The following TAF4 variants were observed in gnomAD, a reference collection of about 807,000 sequenced individuals.
TAF4 encodes TATA-box binding protein associated factor 4.
TAF4 carries 9 observed loss-of-function variants against 90.3 expected under a neutral mutation model. The ratio of observed to expected loss-of-function variants is 0.10; its 90% confidence interval spans 0.06 to 0.17. The LOEUF is 0.17. TAF4 is among the 10% of genes least tolerant of loss of function. TAF4 has a pLI of 1.00. For missense variants in TAF4, 1,351 were observed against 1,370.7 expected, an observed-to-expected ratio of 0.99 and a Z score of 0.23; for synonymous variants, 818 against 638.9, an observed-to-expected ratio of 1.28 and a Z score of -4.23.
At chr20:62,022,481 A>G (rs989452264) in intron 1 of TAF4, among the ~76,000 whole-genome samples, 2 of 152,200 alleles carry the variant, frequency 1.3e-5, no homozygotes, top group Non-Finnish European at 2.9e-5. Context: ...GAGGGTTTGC[A>G]GGCCCACTTC....
intron 1 of TAF4, among the ~76,000 whole-genome samples, chr20:62,039,898 G>C (rs565065807): frequency 5.9e-5 from 9 of 152,330 alleles, no homozygotes; most frequent in African/African-American, 2.2e-4. Flanking sequence ...CTGGTGGAAA[G>C]ACGCTCAGCA....
At chr20:62,049,939 G>A (rs1442644928) in intron 1 of TAF4, among the ~76,000 whole-genome samples, 2 of 152,238 alleles carry the variant, frequency 1.3e-5, no homozygotes, top group East Asian at 3.9e-4. Context: ...CAGACCTGCT[G>A]CAGAAACCCA....
chr20:62,052,207 T>C (rs1375225022), intron 1 of TAF4, among the ~76,000 whole-genome samples: 2 of 152,000 alleles, frequency 1.3e-5, no homozygotes, highest in Non-Finnish European at 2.9e-5. Flanking sequence ...ACATGAAGCA[T>C]GTCAAAGGCT....
intron 1 of TAF4, among the ~76,000 whole-genome samples, chr20:62,020,182 C>T (rs976319639): frequency 3.3e-5 from 5 of 152,250 alleles, no homozygotes; most frequent in Non-Finnish European, 7.3e-5. Flanking sequence ...GCCCCAGCCC[C>T]AGCCCAGGAC....
intron 1 of TAF4, among the ~76,000 whole-genome samples, chr20:62,063,592 C>T (rs1385934504): frequency 1.3e-5 from 2 of 152,152 alleles, no homozygotes; most frequent in East Asian, 3.9e-4. Flanking sequence ...CGTCGGAGCC[C>T]CAGGCATCCG....
At chr20:62,043,353 A>C (rs1354026308) in intron 1 of TAF4, among the ~76,000 whole-genome samples, 1 of 152,208 alleles carries the variant, frequency 6.6e-6, no homozygotes, top group Non-Finnish European at 1.5e-5. Context: ...CAGCTGTATA[A>C]TGTGTTTGTG....
intron 1 of TAF4, among the ~76,000 whole-genome samples, chr20:62,041,628 CA>C (rs1367745991): frequency 2.8e-5 from 4 of 144,528 alleles, no homozygotes; most frequent in Non-Finnish European, 1.5e-5. Flanking sequence ...GAATCCATCT[CA>C]AAAAAAAAAG....
At chr20:62,050,042 C>G (rs1001637304) in intron 1 of TAF4, among the ~76,000 whole-genome samples, 3 of 152,198 alleles carry the variant, frequency 2.0e-5, no homozygotes, top group Non-Finnish European at 4.4e-5. Flanking sequence ...CACCCAACGC[C>G]TACTGTCACA....
Position 62,006,907 on chromosome 20 carries a change from AG to A in TAF4, c.1975-150del. The A allele has an allele frequency of 1.7e-6, 2 of 1,144,480 alleles. No homozygotes were observed. The highest frequency in any genetic ancestry group is 6.2e-5 in the South Asian group (2 of 32,076). 70.9% of individuals were successfully genotyped at this position (1,144,480 alleles called of 1,614,324 possible). On this transcript the variant is annotated intron_variant, in intron 6 of 14. Transcript: ENST00000252996. This position sits in a 1 kb window ranked among gnomAD's most constrained non-coding sequence, Gnocchi z 7.0. ...CTCACGGCAGCATGTCTGGATGTCA[AG>A]GGCCAGGACCCCATCCTGCCCTCCC...
intron 1 of TAF4, among the ~76,000 whole-genome samples, chr20:62,029,908 A>C (rs2055895287): frequency 3.3e-5 from 5 of 152,174 alleles, no homozygotes; most frequent in Admixed American, 3.3e-4. Flanking sequence ...CCGTCTCAAA[A>C]AAAACAAAAA....
intron 8 of TAF4, 95 bp downstream of exon 8, chr20:62,003,636 A>T: frequency 7.1e-7 from 1 of 1,400,954 alleles, no homozygotes; most frequent in Non-Finnish European, 9.4e-7. Flanking sequence ...TTTTATGTAA[A>T]TGTACATTTT....
intron 1 of TAF4, among the ~76,000 whole-genome samples, chr20:62,030,376 C>A (rs762986130): frequency 6.6e-6 from 1 of 152,226 alleles, no homozygotes; most frequent in Non-Finnish European, 1.5e-5. Context: ...AAGCCCAATA[C>A]TAATTTAGAT....
intron 14 of TAF4, among the ~76,000 whole-genome samples, chr20:61,987,739 A>C (rs1262791319): frequency 6.6e-6 from 1 of 152,268 alleles, no homozygotes; most frequent in African/African-American, 2.4e-5. Context: ...AAAGGGGCTG[A>C]AAATTTATGT....
At chr20:62,063,949 G>A (rs1028715779) in intron 1 of TAF4, among the ~76,000 whole-genome samples, 1 of 152,240 alleles carries the variant, frequency 6.6e-6, no homozygotes, top group Non-Finnish European at 1.5e-5. Context: ...AGAGGCTCGA[G>A]CCCAGGGTCA....
chr20:62,011,848 G>A (rs1340987873), intron 3 of TAF4, among the ~76,000 whole-genome samples: 3 of 152,184 alleles, frequency 2.0e-5, no homozygotes, highest in South Asian at 4.1e-4. Flanking sequence ...AGAGACCTAC[G>A]CATCCACGGA....
intron 1 of TAF4, among the ~76,000 whole-genome samples, chr20:62,028,269 A>T (rs2055885288): frequency 6.6e-6 from 1 of 152,180 alleles, no homozygotes; most frequent in Non-Finnish European, 1.5e-5. Context: ...ACCCCCCAAA[A>T]AAATGCTACC....
At chr20:61,989,784 T>C (rs1229292619) in intron 14 of TAF4, among the ~76,000 whole-genome samples, 2 of 151,956 alleles carry the variant, frequency 1.3e-5, no homozygotes, top group Admixed American at 1.3e-4. Context: ...AGCACTGCAG[T>C]GAGTGAACGA....
chr20:62,009,956 A>T, intron 4 of TAF4, 90 bp downstream of exon 4: 1 of 1,585,646 alleles, frequency 6.3e-7, no homozygotes, highest in South Asian at 1.1e-5. Flanking sequence ...GGTCTGGGAC[A>T]GAAGCCGGCC....
chr20:61,977,496 A>G (rs1250493864), intron 14 of TAF4, among the ~76,000 whole-genome samples: 2 of 151,974 alleles, frequency 1.3e-5, no homozygotes, highest in Non-Finnish European at 2.9e-5. Flanking sequence ...CCCGCCCCTC[A>G]TGCCGTCCTT....
Sources: allele counts gnomAD v4.1 joint callset (sites outside exome capture counted in the v4.1 genomes callset), GRCh38; gene constraint gnomAD v4.1.1; non-coding constraint Gnocchi (gnomAD v3.1); transcripts MANE v1.5; gene names NCBI Gene and HGNC (gene_info 2026-07-23, HGNC 2026-07-21).